The following DAP3 variants were observed in gnomAD, a reference collection of about 807,000 sequenced individuals.
The protein encoded by DAP3 is small ribosomal subunit protein mS29.
Under a neutral mutation model 51.9 loss-of-function variants are expected in DAP3, and 28 were observed. The observed-to-expected ratio is 0.54, with a 90% confidence interval of 0.40 to 0.74. DAP3 has a LOEUF of 0.74. DAP3 is among the 30% of genes least tolerant of loss of function. The pLI is 0.00. For synonymous variants in DAP3, 170 were observed against 170.3 expected, an observed-to-expected ratio of 1.00 and a Z score of 0.01; for missense variants, 458 against 483.5, an observed-to-expected ratio of 0.95 and a Z score of 0.49.
At chr1:155,713,561 G>A (rs1359502757) in intron 2 of DAP3, among the ~76,000 whole-genome samples, 1 of 152,166 alleles carries the variant, frequency 6.6e-6, no homozygotes, top group Non-Finnish European at 1.5e-5. Context: ...AATACCTGTA[G>A]TGTGTTAAGT....
rs1659065247 is a variant in DAP3 at position 155,730,174 on chromosome 1, C to CATATAGGTATATATAATATTCATATATGT, written c.843+813_843+814insGGTATATATAATATTCATATATGTATATA. Among the ~76,000 whole-genome samples the CATATAGGTATATATAATATTCATATATGT allele has an allele frequency of 2.3e-5, 3 of 132,878 alleles. No homozygotes were observed. In the East Asian group the frequency reaches 5.9e-4, roughly 26 times the overall value. The allele number at this position is 132,878 out of a possible 152,430, so 87.2% of individuals were successfully genotyped here. A position where few individuals can be genotyped will look rare whatever the true frequency, so the allele number is the denominator to read the frequency against. ...TAATATACGAATATACCTATATGTT[C>CATATAGGTATATATAATATTCATATATGT]ATATATGTATATATAATATTCATAT... On this transcript the variant is annotated intron_variant, in intron 9 of 12. Coordinates refer to ENST00000368336, the MANE Select transcript of DAP3 (RefSeq NM_004632.4).
chr1:155,731,273 A>T (rs1384628330), intron 9 of DAP3, 83 bp from the exon 10 acceptor site: 1 of 1,476,804 alleles, frequency 6.8e-7, no homozygotes, highest in Non-Finnish European at 9.4e-7. Context: ...TCAAAAAAAA[A>T]AAAAAATTGT....
chr1:155,704,984 TAAAC>T (rs1655764717), intron 1 of DAP3, among the ~76,000 whole-genome samples: 1 of 151,716 alleles, frequency 6.6e-6, no homozygotes, highest in Admixed American at 6.6e-5. Context: ...ATCTCAGAAA[TAAAC>T]AAACGAATCC....
chr1:155,730,908 A>C (rs1311160687), intron 9 of DAP3, among the ~76,000 whole-genome samples: 1 of 152,164 alleles, frequency 6.6e-6, no homozygotes, highest in Admixed American at 6.6e-5. Context: ...CTAGGGCCAG[A>C]GGCTACGTGG....
chr1:155,693,529 C>T (rs1383361027), intron 1 of DAP3, among the ~76,000 whole-genome samples: 1 of 141,886 alleles, frequency 7.0e-6, no homozygotes, highest in Non-Finnish European at 1.5e-5. Context: ...AGTGTCATCT[C>T]TTTGACAGTA....
At chr1:155,703,653 T>G (rs2149131396) in intron 1 of DAP3, among the ~76,000 whole-genome samples, 1 of 152,316 alleles carries the variant, frequency 6.6e-6, no homozygotes, top group Admixed American at 6.5e-5. Flanking sequence ...TTCTCCTGCC[T>G]CAGCCTCCTG....
intron 1 of DAP3, among the ~76,000 whole-genome samples, chr1:155,696,903 C>CTTT (rs1654586245): frequency 6.6e-6 from 1 of 152,180 alleles, no homozygotes; most frequent in African/African-American, 2.4e-5. Context: ...TAATAACAAG[C>CTTT]AGCCAGTCTT....
chr1:155,721,544 C>T lies in DAP3; in HGVS notation c.196C>T (p.Gln66Ter). The T allele has an allele frequency of 6.2e-7, 1 of 1,613,968 alleles. No homozygotes were observed. Among genetic ancestry groups the T allele is most frequent in the Non-Finnish European group, 8.5e-7 (1 of 1,180,014 alleles). ...PAKHGDQHEG[Q>*]HYNISPQDLE... ...CAAGCATGGGGATCAGCACGAGGGTCAGCACTACAACATCTCCCCCCAGGA... is the reference window on the plus strand; with the variant it reads ...CAAGCATGGGGATCAGCACGAGGGTTAGCACTACAACATCTCCCCCCAGGA... Residue 66 changes from glutamine to a stop codon, truncating the protein, a stop_gained, in exon 4 of 13, where the codon CAG becomes TAG. Coordinates refer to ENST00000368336, the MANE Select transcript of DAP3 (RefSeq NM_004632.4). LOFTEE classifies it high-confidence loss of function.
intron 2 of DAP3, 182 bp downstream of exon 2, chr1:155,710,006 GA>G: frequency 2.0e-6 from 1 of 491,898 alleles, no homozygotes. Context: ...TATTTTTCCA[GA>G]AAACATAAGT....
intron 6 of DAP3, chr1:155,726,408 C>G (rs1658604941): frequency 6.5e-6 from 1 of 153,480 alleles, no homozygotes; most frequent in African/African-American, 2.4e-5. Flanking sequence ...TCTGCCTCAG[C>G]CTCCTGAGTA....
chr1:155,709,670 A>G, intron 1 of DAP3, 103 bp from the exon 2 acceptor site: 1 of 897,516 alleles, frequency 1.1e-6, no homozygotes, highest in African/African-American at 1.7e-5. Context: ...CTAGATATTA[A>G]TATAGATTAT....
At chr1:155,699,675 G>A (rs777719118) in intron 1 of DAP3, among the ~76,000 whole-genome samples, 13 of 151,708 alleles carry the variant, frequency 8.6e-5, no homozygotes, top group Non-Finnish European at 1.5e-4. Context: ...GTGCAGTGGT[G>A]TGATCATAGC....
Position 155,707,152 on chromosome 1 carries a change from G to A in DAP3, c.-7-2621G>A, listed in dbSNP as rs192450783. ...TAATAGGCCAGGCGCGGTGGCTCAC[G>A]CCTGTAATCCCAGCACTTTGGGAGG... On this transcript the variant is annotated intron_variant, in intron 1 of 12. Coordinates refer to ENST00000368336, the MANE Select transcript of DAP3 (RefSeq NM_004632.4). Among the ~76,000 whole-genome samples the A allele has an allele frequency of 4.0e-5, 6 of 151,834 alleles. No individual in the cohort carries two copies. The East Asian group carries it at 5.8e-4, about 15-fold the overall frequency.
intron 11 of DAP3, 60 bp from the exon 12 acceptor site, chr1:155,736,886 C>A: frequency 1.5e-6 from 2 of 1,321,202 alleles, no homozygotes; most frequent in Non-Finnish European, 2.2e-6. Flanking sequence ...TAAGTAGAGT[C>A]TGTCTGTCTG....
chr1:155,697,538 AAC>A (rs1654693007), intron 1 of DAP3, among the ~76,000 whole-genome samples: 1 of 152,134 alleles, frequency 6.6e-6, no homozygotes, highest in African/African-American at 2.4e-5. Context: ...TGAGCCGCAA[AAC>A]CAGCAAGTTT....
At chr1:155,728,902 A>C (rs1032632511) in intron 7 of DAP3, 140 bp from the exon 8 acceptor site, 2 of 724,584 alleles carry the variant, frequency 2.8e-6, no homozygotes, top group East Asian at 2.7e-5. Context: ...TCACTTCTAC[A>C]TTGAGGTCTC....
intron 4 of DAP3, among the ~76,000 whole-genome samples, chr1:155,723,473 T>C (rs1408769518): frequency 6.6e-6 from 1 of 152,076 alleles, no homozygotes; most frequent in Non-Finnish European, 1.5e-5. Flanking sequence ...GGATTACAGG[T>C]GCTCGCCACC....
At chr1:155,736,170 T>G (rs1291055342) in intron 11 of DAP3, among the ~76,000 whole-genome samples, 1 of 151,934 alleles carries the variant, frequency 6.6e-6, no homozygotes, top group East Asian at 1.9e-4. Flanking sequence ...GACAGTAATT[T>G]TGTATTTTTA....
intron 6 of DAP3, among the ~76,000 whole-genome samples, chr1:155,726,480 C>G (rs1658613029): frequency 1.3e-5 from 2 of 151,636 alleles, no homozygotes; most frequent in South Asian, 4.1e-4. Flanking sequence ...TTAGTAGAGA[C>G]AGGGTTTCAC....
Sources: gnomAD v4.1 joint callset for allele counts (sites outside exome capture counted in the v4.1 genomes callset) on GRCh38, gnomAD v4.1.1 for gene constraint, MANE v1.5 for transcripts, NCBI Gene and HGNC (gene_info 2026-07-23, HGNC 2026-07-21) for gene names.